The following ARAF variants were observed in gnomAD, a reference collection of about 807,000 sequenced individuals.
The protein encoded by ARAF is A-Raf proto-oncogene, serine/threonine kinase.
In ARAF, 18 loss-of-function variants were observed where a neutral mutation model predicts 48.0. That is an observed-to-expected ratio of 0.37 (90% CI 0.26 to 0.56). ARAF has a LOEUF of 0.56. Among genes scored for constraint, ARAF ranks in the 20% least tolerant of loss-of-function variants. The pLI is 0.77. For synonymous variants in ARAF, 207 were observed against 220.1 expected, an observed-to-expected ratio of 0.94 and a Z score of 0.53; for missense variants, 389 against 543.1, an observed-to-expected ratio of 0.72 and a Z score of 2.82.
In ARAF at chrX:47,569,882, GC is replaced by G; in HGVS notation, c.1420-9del. On this transcript the variant is annotated splice_polypyrimidine_tract_variant and intron_variant, in intron 13 of 15. Coordinates refer to ENST00000377045, the MANE Select transcript of ARAF (RefSeq NM_001654.5). ...CTCCGTGGTCCCCCTGCCTGGTCTGGCCTGTTGTAGGCAGCTGAGGTGATCC... is the reference window on the plus strand; with the variant it reads ...CTCCGTGGTCCCCCTGCCTGGTCTGGCTGTTGTAGGCAGCTGAGGTGATCC... 1 of 1,205,158 alleles carries G rather than the reference GC, an allele frequency of 8.3e-7. No individual in the cohort carries two copies. Among genetic ancestry groups the G allele is most frequent in the Non-Finnish European group, 1.1e-6 (1 of 892,587 alleles).
intron 6 of ARAF, chrX:47,565,565 C>A: frequency 1.9e-6 from 1 of 528,564 alleles, no homozygotes; most frequent in Non-Finnish European, 2.9e-6. Context: ...ATGATACTTT[C>A]TACCATATAA....
At chrX:47,569,079 C>T (rs1450101653) in intron 12 of ARAF, 46 bp downstream of exon 12, 2 of 1,155,579 alleles carry the variant, frequency 1.7e-6, no homozygotes, top group South Asian at 3.8e-5. Flanking sequence ...GTGTCAAGGG[C>T]TTAGAAGGAT....
intron 7 of ARAF, 33 bp from the exon 8 acceptor site, chrX:47,566,842 GCCTCCATGC>G (rs773388926): frequency 2.5e-6 from 3 of 1,211,708 alleles, no homozygotes; most frequent in Non-Finnish European, 3.4e-6. Context: ...ATCCCTGTTG[GCCTCCATGC>G]CCTCTTTTTG....
chrX:47,565,552 A>G (rs2057729081), intron 6 of ARAF: 1 of 583,176 alleles, frequency 1.7e-6, no homozygotes, highest in African/African-American at 2.3e-5. Context: ...TAAAGAGGGG[A>G]TGATGATACT....
At chrX:47,569,160 G>A (rs934238302) in intron 12 of ARAF, 127 bp downstream of exon 12, 43 of 863,140 alleles carry the variant, frequency 5.0e-5, no homozygotes, top group Admixed American at 8.2e-5. Flanking sequence ...AGGTGGCAGA[G>A]CTGTGGCCAG....
chrX:47,571,277 G>T, intron 15 of ARAF, 46 bp from the exon 16 acceptor site: 1 of 1,176,261 alleles, frequency 8.5e-7, no homozygotes, highest in Non-Finnish European at 1.1e-6. Context: ...CTGTTGGGAT[G>T]CCCACAGGGC....
rs200237581 is a variant in ARAF, at chrX:47,568,921, G to C, written c.1253+27G>C. On this transcript the variant is annotated intron_variant, in intron 11 of 15. Transcript: ENST00000377045. ...TGAGCCTCCCAGCCTGGGGAGGGGT[G>C]GGGGGAAAGGGTGGGGGAAATGAGG... The C allele has an allele frequency of 8.4e-5, 101 of 1,199,464 alleles. No individual in the cohort carries two copies. In the African/African-American group the frequency reaches 1.3e-3, roughly 15 times the overall value.
rs1331330853 is a variant in ARAF, at chrX:47,569,531, C to G, written c.1301-8C>G. On this transcript the variant is annotated splice_polypyrimidine_tract_variant and splice_region_variant and intron_variant, in intron 12 of 15. Coordinates refer to ENST00000377045, the MANE Select transcript of ARAF (RefSeq NM_001654.5). ...AGGAGTCCCTGTAGTGGTCCTTGAC[C>G]CTGGCGGACATCTTCCTACATGAGG... The G allele has an allele frequency of 5.0e-6, 6 of 1,199,801 alleles. No homozygotes were observed. The highest frequency in any genetic ancestry group is 6.8e-6 in the Non-Finnish European group (6 of 886,402).
At chrX:47,571,214 T>TGGGTGG (rs369092935) in intron 15 of ARAF, 109 bp from the exon 16 acceptor site, 2,994 of 198,341 alleles carry the variant, frequency 0.015, 31 homozygotes, top group South Asian at 0.03. Flanking sequence ...GACTGTTGGG[T>TGGGTGG]GTGTGTGTGT....
chrX:47,569,167 C>A, intron 12 of ARAF, 134 bp downstream of exon 12: 1 of 827,693 alleles, frequency 1.2e-6, no homozygotes, highest in Non-Finnish European at 1.7e-6. Context: ...AGAGCTGTGG[C>A]CAGCCAGGGG....
At chrX:47,571,212 G>GGTGGGTGGGTGT in intron 15 of ARAF, 111 bp from the exon 16 acceptor site, 4 of 577,818 alleles carry the variant, frequency 6.9e-6, no homozygotes, top group Non-Finnish European at 6.9e-6. Context: ...GGGACTGTTG[G>GGTGGGTGGGTGT]GTGTGTGTGT....
At position 47,571,212 on chromosome X, in the gene ARAF, GGTGTGTGTGTGT is replaced by G. The variant is rs753017950; in HGVS notation, c.1687-86_1687-75del. The stretch of plus-strand genomic sequence containing the variant: ...TTTCGCCATGAGGCTGGGACTGTTG[GGTGTGTGTGTGT>G]GTGTGTGTGTGTGTGTGTGTGTGTT... On this transcript the variant is annotated intron_variant, in intron 15 of 15. Transcript: ENST00000377045. 830 of 575,663 alleles carry G rather than the reference GGTGTGTGTGTGT, an allele frequency of 1.4e-3. 1 individual carries two copies. In the East Asian group the frequency reaches 0.037, roughly 26 times the overall value. 47.4% of individuals were successfully genotyped at this position (575,663 alleles called of 1,213,427 possible).
intron 10 of ARAF, 87 bp from the exon 11 acceptor site, chrX:47,568,631 G>A (rs1487331761): frequency 1.0e-6 from 1 of 998,568 alleles, no homozygotes; most frequent in African/African-American, 1.9e-5. Context: ...ACCGAGGAAG[G>A]TAAAGAACAG....
At chrX:47,571,247 GTT>G in intron 15 of ARAF, 74 bp from the exon 16 acceptor site, 3 of 1,035,134 alleles carry the variant, frequency 2.9e-6, no homozygotes, top group African/African-American at 4.0e-5. Flanking sequence ...GTGTGTGTGT[GTT>G]TCGCCATGAG....
At chrX:47,564,704 TG>T in intron 3 of ARAF, 92 bp from the exon 4 acceptor site, 2 of 672,107 alleles carry the variant, frequency 3.0e-6, no homozygotes, top group Non-Finnish European at 4.7e-6. Context: ...CATGACCCTG[TG>T]GGTAGCAGGC....
chrX:47,571,340 G>T lies in ARAF; in HGVS notation c.1704G>T (p.Glu568Asp). The part of the protein sequence containing the change: ...PLFPQILATI[E>D]LLQRSLPKIE... ...GCCCTCAGATCCTGGCCACAATTGA[G>T]CTGCTGCAACGGTCACTCCCCAAGA... is the stretch of plus-strand genomic sequence containing the variant. Residue 568 changes from glutamate (E) to aspartate (D), a missense_variant, in exon 16 of 16, where the codon GAG becomes GAT. This residue lies in a region of ARAF where 170 missense variants were observed against 281.4 expected (regional missense o/e 0.60). Coordinates refer to ENST00000377045, the MANE Select transcript of ARAF (RefSeq NM_001654.5). 1.7e-6 allele frequency: 2 copies of T among 1,210,431 alleles called. No homozygotes were observed. Among genetic ancestry groups the T allele is most frequent in the Non-Finnish European group, 2.2e-6 (2 of 894,937 alleles).
At chrX:47,562,780 G>A (rs942635074) in intron 1 of ARAF, 129 bp from the exon 2 acceptor site, 3 of 422,707 alleles carry the variant, frequency 7.1e-6, no homozygotes, top group Non-Finnish European at 1.2e-5. Flanking sequence ...GGATCTCTTG[G>A]ACTGTCGTGT....
At position 47,562,482 on chromosome X, in the gene ARAF, TCAGAAAAAAAAAAAAA is replaced by T. The variant is rs1161697153; in HGVS notation, c.-59-410_-59-395del. 3.2e-4 allele frequency among the ~76,000 whole-genome samples: 21 copies of T among 66,565 alleles called. No homozygotes were observed. In the East Asian group the frequency reaches 8.8e-3, roughly 28 times the overall value. The allele number at this position is 66,565 out of a possible 115,157, so 57.8% of individuals were successfully genotyped here. On this transcript the variant is annotated intron_variant, in intron 1 of 15. Coordinates refer to ENST00000377045, the MANE Select transcript of ARAF (RefSeq NM_001654.5). ...CCTGGGCAACAAGAGCGAAACTCTG[TCAGAAAAAAAAAAAAA>T]CAGAAAAAAAAAAAAAAAAAACCCA...
intron 12 of ARAF, 123 bp from the exon 13 acceptor site, chrX:47,569,416 T>C (rs2057745997): frequency 3.5e-6 from 2 of 574,365 alleles, no homozygotes; most frequent in Non-Finnish European, 5.7e-6. Context: ...GTTTGCGTGA[T>C]ATTAAGGGGC....
Sources: gnomAD v4.1 joint callset for allele counts (sites outside exome capture counted in the v4.1 genomes callset) on GRCh38, gnomAD v4.1.1 for gene constraint, gnomAD v4.1.1 regional missense constraint, MANE v1.5 for transcripts, NCBI Gene and HGNC (gene_info 2026-07-23, HGNC 2026-07-21) for gene names.